FAM53B: variants seen among roughly 807,000 people sequenced by gnomAD.
FAM53B encodes protein FAM53B.
FAM53B carries 12 observed loss-of-function variants against 32.7 expected under a neutral mutation model. The ratio of observed to expected loss-of-function variants is 0.37; its 90% CI spans 0.24 to 0.59. The LOEUF is 0.59. FAM53B is among the 20% of genes least tolerant of loss of function. FAM53B has a pLI of 0.72. For synonymous variants in FAM53B, 234 were observed against 228.7 expected, an observed-to-expected ratio of 1.02 and a Z score of -0.21; for missense variants, 477 against 577.7, an observed-to-expected ratio of 0.83 and a Z score of 1.79.
At chr10:124,697,786 C>T (rs1949884225) in intron 2 of FAM53B, among the ~76,000 whole-genome samples, 1 of 152,052 alleles carries the variant, frequency 6.6e-6, no homozygotes, top group Admixed American at 6.5e-5. Context: ...AGGTTGCCCT[C>T]CTCAGTTTAA....
chr10:124,713,011 G>C (rs1291983587), intron 1 of FAM53B, among the ~76,000 whole-genome samples: 1 of 152,182 alleles, frequency 6.6e-6, no homozygotes, highest in Non-Finnish European at 1.5e-5. Context: ...ATGGGTGGGA[G>C]GGCACACACA....
chr10:124,655,584 A>G (rs1949584762), intron 4 of FAM53B, among the ~76,000 whole-genome samples: 1 of 152,144 alleles, frequency 6.6e-6, no homozygotes. Flanking sequence ...GGTAACGCCC[A>G]CTGTCATCCA....
intron 4 of FAM53B, among the ~76,000 whole-genome samples, chr10:124,633,859 G>A (rs1033548692): frequency 2.6e-5 from 4 of 151,872 alleles, no homozygotes; most frequent in Non-Finnish European, 5.9e-5. Flanking sequence ...TTATCATCTC[G>A]TGAGAAAAAA....
Position 124,650,631 on chromosome 10 carries a change from C to T in FAM53B, c.907-27027G>A, listed in dbSNP as rs1207490858. On this transcript the variant is annotated intron_variant, in intron 4 of 4. Transcript: ENST00000337318. Reference sequence around the variant, plus strand: ...TTACCTGGCCAGAGCACAGCGAAGCCGAGAGCTGAACCCTAACCCCAGGAC... The same window carrying T: ...TTACCTGGCCAGAGCACAGCGAAGCTGAGAGCTGAACCCTAACCCCAGGAC... 2.0e-5 allele frequency among the ~76,000 whole-genome samples: 3 copies of T among 152,164 alleles called. No individual in the cohort carries two copies. In the South Asian group the frequency reaches 6.2e-4, roughly 32 times the overall value.
intron 1 of FAM53B, among the ~76,000 whole-genome samples, chr10:124,725,321 T>C (rs905131005): frequency 4.6e-5 from 7 of 152,186 alleles, no homozygotes; most frequent in Non-Finnish European, 7.3e-5. Context: ...CCAGGGTCTC[T>C]CACCTCCAGC....
chr10:124,692,441 G>A (rs767612479), intron 3 of FAM53B, among the ~76,000 whole-genome samples: 5 of 152,092 alleles, frequency 3.3e-5, no homozygotes, highest in East Asian at 1.9e-4. Context: ...TAGGCCAGGC[G>A]CGGTGGCTCA....
chr10:124,742,005 A>T (rs1950203172), intron 1 of FAM53B, among the ~76,000 whole-genome samples: 1 of 152,224 alleles, frequency 6.6e-6, no homozygotes, highest in African/African-American at 2.4e-5. Flanking sequence ...CTGCACATGA[A>T]TCTCACCTTC....
At chr10:124,669,844 G>A (rs11245328) in intron 4 of FAM53B, among the ~76,000 whole-genome samples, 41,412 of 150,926 alleles carry the variant, frequency 0.27, 6,608 homozygotes, top group South Asian at 0.39. Context: ...AGTAGAACAG[G>A]AGGAGCCCCT....
At chr10:124,626,300 A>G (rs1416494851) in intron 4 of FAM53B, among the ~76,000 whole-genome samples, 1 of 151,942 alleles carries the variant, frequency 6.6e-6, no homozygotes, top group Non-Finnish European at 1.5e-5. Flanking sequence ...CCTCTGGCAT[A>G]AGGCGCAGGT....
chr10:124,626,972 G>C (rs1356821201), intron 4 of FAM53B, among the ~76,000 whole-genome samples: 1 of 152,240 alleles, frequency 6.6e-6, no homozygotes, highest in Non-Finnish European at 1.5e-5. Context: ...GGAAGGGCTG[G>C]TGAATCTCGT....
intron 4 of FAM53B, among the ~76,000 whole-genome samples, chr10:124,666,122 T>C (rs955760461): frequency 1.3e-5 from 2 of 152,228 alleles, no homozygotes; most frequent in Non-Finnish European, 2.9e-5. Flanking sequence ...AAAGTTCCCC[T>C]GGTGGGCAGG....
At chr10:124,688,736 C>T (rs185907345) in intron 3 of FAM53B, among the ~76,000 whole-genome samples, 211 of 152,314 alleles carry the variant, frequency 1.4e-3, no homozygotes, top group African/African-American at 4.9e-3. Context: ...TGCACAGATC[C>T]TAGAGCTTGA....
chr10:124,713,951 T>A (rs1048641534), intron 1 of FAM53B: 2 of 152,224 alleles, frequency 1.3e-5, no homozygotes, highest in Non-Finnish European at 2.9e-5. Context: ...TTGTGCACTT[T>A]GAAACTTTCG....
chr10:124,652,655 T>C (rs1001927441), intron 4 of FAM53B, among the ~76,000 whole-genome samples: 5 of 151,942 alleles, frequency 3.3e-5, no homozygotes, highest in Admixed American at 3.3e-4. Flanking sequence ...CCACAGGTAG[T>C]GGGAAAGGAC....
At position 124,691,774 on chromosome 10, in the gene FAM53B, A is replaced by T. The variant is rs561595424; in HGVS notation, c.133+4384T>A. ...AAAAGATCAAACTAGTACACGTGTG[A>T]CCCTGGGTCCCCCACTGCAAGTGGG... On this transcript the variant is annotated intron_variant, in intron 3 of 4. Coordinates refer to ENST00000337318, the MANE Select transcript of FAM53B (RefSeq NM_014661.4). 7.2e-5 allele frequency among the ~76,000 whole-genome samples: 11 copies of T among 152,290 alleles called. No individual in the cohort carries two copies. The East Asian group carries it at 1.9e-3, about 27-fold the overall frequency.
chr10:124,647,344 CG>C (rs911820136), intron 4 of FAM53B, among the ~76,000 whole-genome samples: 13 of 152,228 alleles, frequency 8.5e-5, no homozygotes, highest in Admixed American at 2.0e-4. Context: ...CTCCAGGCCT[CG>C]GGTGTTTCTC....
intron 4 of FAM53B, among the ~76,000 whole-genome samples, chr10:124,680,778 T>C (rs1449192765): frequency 1.3e-5 from 2 of 152,194 alleles, no homozygotes; most frequent in Non-Finnish European, 2.9e-5. Context: ...GATGGCCTCC[T>C]GGATGAACAC....
At chr10:124,686,463 C>T (rs1422744311) in intron 3 of FAM53B, among the ~76,000 whole-genome samples, 1 of 152,230 alleles carries the variant, frequency 6.6e-6, no homozygotes, top group Non-Finnish European at 1.5e-5. Context: ...GAACATTCCA[C>T]ACCTTTGCAA....
chr10:124,672,592 C>T (rs1218188772), intron 4 of FAM53B, among the ~76,000 whole-genome samples: 2 of 152,356 alleles, frequency 1.3e-5, no homozygotes, highest in Admixed American at 6.5e-5. Flanking sequence ...CAAGATCCAG[C>T]GTGACAAGCG....
Sources: gnomAD v4.1 joint callset for allele counts (sites outside exome capture counted in the v4.1 genomes callset) on GRCh38, gnomAD v4.1.1 for gene constraint, MANE v1.5 for transcripts, NCBI Gene and HGNC (gene_info 2026-07-23, HGNC 2026-07-21) for gene names.